Variants in PRKN observed in about 807,000 individuals in gnomAD.
PRKN encodes parkin RBR E3 ubiquitin protein ligase, also known as E3 ubiquitin-protein ligase parkin.
In PRKN, 56 loss-of-function variants were observed where a neutral mutation model predicts 59.5. That is an observed-to-expected ratio of 0.94 (90% CI 0.76 to 1.18). The LOEUF is 1.18. PRKN is among the 50% of genes most tolerant of loss of function. PRKN has a pLI of 0.00. For missense variants in PRKN, 657 were observed against 596.4 expected (o/e 1.10, Z -1.06); for synonymous variants, 250 against 222.1 (o/e 1.13, Z -1.12).
chr6:161,812,670 TA>T (rs1350868246), intron 6 of PRKN, among the ~76,000 whole-genome samples: 1 of 152,034 alleles, frequency 6.6e-6, no homozygotes, highest in Non-Finnish European at 1.5e-5. Flanking sequence ...AAATGCAAAT[TA>T]AAACAATGTA....
intron 1 of PRKN, among the ~76,000 whole-genome samples, chr6:162,698,683 T>C (rs1778052247): frequency 6.6e-6 from 1 of 152,224 alleles, no homozygotes; most frequent in Non-Finnish European, 1.5e-5. Flanking sequence ...TTCTCCTCCA[T>C]GCCAGTATGC....
At chr6:162,507,954 G>A (rs183262212) in intron 1 of PRKN, among the ~76,000 whole-genome samples, 10 of 152,344 alleles carry the variant, frequency 6.6e-5, no homozygotes, top group African/African-American at 2.2e-4. Context: ...AAGGACTGCA[G>A]TCCAAACTCT....
intron 6 of PRKN, among the ~76,000 whole-genome samples, chr6:161,933,987 C>A (rs1269787748): frequency 6.6e-6 from 1 of 152,216 alleles, no homozygotes; most frequent in Non-Finnish European, 1.5e-5. Flanking sequence ...GTTTATAATG[C>A]TGATATGGTT....
In PRKN at chr6:161,554,676, T is replaced by A. The variant is rs1051989967; in HGVS notation, c.934-5673A>T. On this transcript the variant is annotated intron_variant, in intron 8 of 11. Transcript: ENST00000366898. This position sits in a 1 kb window ranked among gnomAD's most constrained non-coding sequence, Gnocchi z 4.5. ...GAATTATAGTTTCTTACAGTATACA[T>A]ATAAGGAATATACAATCCTGATATA... 6.6e-6 allele frequency among the ~76,000 whole-genome samples: 1 copy of A among 151,400 alleles called. No homozygotes were observed. The highest frequency in any genetic ancestry group is 2.1e-4 in the South Asian group (1 of 4,798).
rs117687416 is a variant in PRKN at position 161,353,775 on chromosome 6, C to T, written c.1286-3564G>A. On this transcript the variant is annotated intron_variant, in intron 11 of 11. Coordinates refer to ENST00000366898, the MANE Select transcript of PRKN (RefSeq NM_004562.3). The surrounding 1 kb of genome is among the most constrained non-coding windows in gnomAD (Gnocchi z 4.8). The stretch of plus-strand genomic sequence containing the variant: ...ACTTCCGGAAGCCCAGACTTGAGAC[C>T]GGTGAGTGGCAGTCCTGTGGGACTG... 0.019 allele frequency among the ~76,000 whole-genome samples: 2,886 copies of T among 152,252 alleles called. 60 individuals are homozygous for T. Among genetic ancestry groups the T allele is most frequent in the South Asian group, 0.034 (166 of 4,816 alleles).
chr6:161,375,221 C>CCTT (rs1785645280), intron 10 of PRKN, among the ~76,000 whole-genome samples: 1 of 152,168 alleles, frequency 6.6e-6, no homozygotes, highest in South Asian at 2.1e-4. Context: ...ACGCCCCTGG[C>CCTT]CGGAAGCTGC....
At chr6:162,504,196 A>C (rs537700399) in intron 1 of PRKN, among the ~76,000 whole-genome samples, 1 of 152,176 alleles carries the variant, frequency 6.6e-6, no homozygotes, top group African/African-American at 2.4e-5. Context: ...GCATCAGCCT[A>C]GGGTCCTGGT....
Position 162,450,594 on chromosome 6 carries a change from T to C in PRKN, c.8-7121A>G, listed in dbSNP as rs372380009. The stretch of plus-strand genomic sequence containing the variant: ...ACAGTGTGATGCAATGGGCAATTTA[T>C]CTCTGTGGGCTTTCTCTCAAAAACA... On this transcript the variant is annotated intron_variant, in intron 1 of 11. Coordinates refer to ENST00000366898, the MANE Select transcript of PRKN (RefSeq NM_004562.3). Among the ~76,000 whole-genome samples the C allele has an allele frequency of 6.1e-4, 93 of 152,280 alleles. 5 individuals carry two copies. The South Asian group carries it at 0.018, about 30-fold the overall frequency.
chr6:161,721,760 G>A (rs1279423405), intron 7 of PRKN, among the ~76,000 whole-genome samples: 1 of 152,078 alleles, frequency 6.6e-6, no homozygotes, highest in East Asian at 1.9e-4. Flanking sequence ...CTGGGTCATG[G>A]TGTCACCCCT....
At chr6:161,988,798 A>G (rs917891554) in intron 5 of PRKN, among the ~76,000 whole-genome samples, 5 of 152,222 alleles carry the variant, frequency 3.3e-5, no homozygotes, top group African/African-American at 1.2e-4. Context: ...AAGCTACCCA[A>G]TGGATAATAC....
chr6:161,464,821 AATG>A (rs1790380161), intron 9 of PRKN, among the ~76,000 whole-genome samples: 1 of 152,220 alleles, frequency 6.6e-6, no homozygotes, highest in South Asian at 2.1e-4. Context: ...GAATTAGTCA[AATG>A]TCAGGTAAAA....
intron 4 of PRKN, among the ~76,000 whole-genome samples, chr6:162,143,985 A>G (rs1781897295): frequency 6.6e-6 from 1 of 152,220 alleles, no homozygotes; most frequent in Non-Finnish European, 1.5e-5. Flanking sequence ...TATTTGATTG[A>G]ATAAGACATT....
intron 2 of PRKN, among the ~76,000 whole-genome samples, chr6:162,406,129 T>G (rs554955617): frequency 4.9e-4 from 75 of 152,332 alleles, no homozygotes; most frequent in Non-Finnish European, 9.0e-4. Flanking sequence ...GCTTTTTATG[T>G]GCCAGGCACC....
chr6:162,290,068 C>T (rs1253490731), intron 2 of PRKN, among the ~76,000 whole-genome samples: 6 of 152,182 alleles, frequency 3.9e-5, no homozygotes, highest in South Asian at 2.1e-4. Context: ...TATTTTTATT[C>T]GCCTCCTATG....
intron 4 of PRKN, among the ~76,000 whole-genome samples, chr6:162,113,754 C>A (rs995172973): frequency 6.6e-6 from 1 of 152,212 alleles, no homozygotes; most frequent in Middle Eastern, 3.4e-3. Flanking sequence ...CTTTTGTTGC[C>A]ATTGTTTTTG....
At chr6:162,163,792 C>T (rs2128317469) in intron 4 of PRKN, among the ~76,000 whole-genome samples, 1 of 136,700 alleles carries the variant, frequency 7.3e-6, no homozygotes, top group Middle Eastern at 3.8e-3. Context: ...ATCCATGCTG[C>T]AATGATCCCC....
At chr6:161,504,388 G>A (rs567097721) in intron 9 of PRKN, among the ~76,000 whole-genome samples, 8 of 152,308 alleles carry the variant, frequency 5.3e-5, no homozygotes, top group African/African-American at 1.7e-4. Flanking sequence ...CAGGCAGGGC[G>A]GGTCGGAAAC....
At chr6:162,207,063 G>A (rs1784978354) in intron 3 of PRKN, among the ~76,000 whole-genome samples, 1 of 152,120 alleles carries the variant, frequency 6.6e-6, no homozygotes, top group South Asian at 2.1e-4. Flanking sequence ...AGGACACCTT[G>A]CTTTGGAGCC....
intron 7 of PRKN, among the ~76,000 whole-genome samples, chr6:161,621,482 C>T (rs1782896577): frequency 6.6e-6 from 1 of 152,072 alleles, no homozygotes; most frequent in African/African-American, 2.4e-5. Flanking sequence ...GAGTGTATCC[C>T]AGCTCCAGTA....
Sources: gnomAD v4.1 joint callset for allele counts (sites outside exome capture counted in the v4.1 genomes callset) on GRCh38, gnomAD v4.1.1 for gene constraint, Gnocchi (gnomAD v3.1) non-coding constraint, MANE v1.5 for transcripts, NCBI Gene and HGNC (gene_info 2026-07-23, HGNC 2026-07-21) for gene names.